SGMS1: variants seen among roughly 807,000 people sequenced by gnomAD.
The protein encoded by SGMS1 is phosphatidylcholine:ceramide cholinephosphotransferase 1.
A neutral mutation model predicts 46.2 loss-of-function variants in SGMS1; 13 were observed. That is an observed-to-expected ratio of 0.28 (90% CI 0.18 to 0.45). The LOEUF (loss-of-function observed/expected upper bound fraction) is 0.45. Ranked by LOEUF, SGMS1 falls within the 20% of genes least tolerant of loss-of-function variation. The pLI, the probability that SGMS1 is intolerant of heterozygous loss-of-function variation, is 1.00. For missense variants in SGMS1, 324 were observed against 519.9 expected (o/e 0.62, Z 3.66); for synonymous variants, 203 against 187.8 (o/e 1.08, Z -0.66).
At chr10:50,490,140 C>T (rs551903183) in intron 3 of SGMS1, among the ~76,000 whole-genome samples, 1 of 152,246 alleles carries the variant, frequency 6.6e-6, no homozygotes, top group African/African-American at 2.4e-5. Context: ...TTTGTCATCT[C>T]TGGGTCTTAG....
At chr10:50,474,749 A>C (rs1473824090) in intron 3 of SGMS1, among the ~76,000 whole-genome samples, 3 of 152,188 alleles carry the variant, frequency 2.0e-5, no homozygotes. Context: ...AGAACAAAAC[A>C]AAACAAAACA....
intron 6 of SGMS1, among the ~76,000 whole-genome samples, chr10:50,352,742 C>A (rs1848043204): frequency 6.6e-6 from 1 of 152,062 alleles, no homozygotes; most frequent in Non-Finnish European, 1.5e-5. Flanking sequence ...CAAGGGTAGT[C>A]TAAAAAGTTT....
chr10:50,425,980 G>T (rs952812663), intron 6 of SGMS1, among the ~76,000 whole-genome samples: 1 of 152,126 alleles, frequency 6.6e-6, no homozygotes, highest in Non-Finnish European at 1.5e-5. Flanking sequence ...TATATCATCT[G>T]TAATAGAGAA....
intron 6 of SGMS1, among the ~76,000 whole-genome samples, chr10:50,432,812 A>C (rs1849421628): frequency 6.6e-6 from 1 of 152,218 alleles, no homozygotes; most frequent in Non-Finnish European, 1.5e-5. Context: ...TGAGAGGTTG[A>C]GTAACTACTA....
intron 1 of SGMS1, among the ~76,000 whole-genome samples, chr10:50,591,558 C>T (rs1032885547): frequency 2.5e-4 from 38 of 152,056 alleles, no homozygotes; most frequent in Non-Finnish European, 4.9e-4. Flanking sequence ...CACAATAACC[C>T]TTAATGTATT....
chr10:50,465,442 A>G (rs921988389), intron 4 of SGMS1, among the ~76,000 whole-genome samples: 1 of 152,218 alleles, frequency 6.6e-6, no homozygotes, highest in African/African-American at 2.4e-5. Flanking sequence ...AAAAAATGAG[A>G]AAATATTGCA....
chr10:50,530,963 A>T (rs1837948195), intron 2 of SGMS1, among the ~76,000 whole-genome samples: 1 of 152,182 alleles, frequency 6.6e-6, no homozygotes, highest in Non-Finnish European at 1.5e-5. Flanking sequence ...ACTAGATAAG[A>T]TGACTGAAAA....
intron 3 of SGMS1, among the ~76,000 whole-genome samples, chr10:50,500,465 A>G (rs1837652994): frequency 6.6e-6 from 1 of 152,222 alleles, no homozygotes; most frequent in Non-Finnish European, 1.5e-5. Context: ...CGGTTTTAAA[A>G]TAAAGGTTAA....
At chr10:50,614,216 G>T (rs12358866) in intron 1 of SGMS1, among the ~76,000 whole-genome samples, 61,996 of 151,664 alleles carry the variant, frequency 0.41, 13,345 homozygotes, top group African/African-American at 0.52. Flanking sequence ...CTTCTAATGA[G>T]TGCTGACTTA....
intron 8 of SGMS1, among the ~76,000 whole-genome samples, chr10:50,313,722 C>G (rs996281657): frequency 3.9e-5 from 6 of 152,130 alleles, no homozygotes; most frequent in African/African-American, 1.4e-4. Flanking sequence ...AAATCATATT[C>G]TCAAGGCAGC....
chr10:50,390,500 A>G (rs1205707922), intron 6 of SGMS1, among the ~76,000 whole-genome samples: 3 of 152,208 alleles, frequency 2.0e-5, no homozygotes. Context: ...GCGTGGTAGC[A>G]CACACCTGTA....
chr10:50,327,942 T>C (rs183529821), intron 7 of SGMS1: 1 of 254,900 alleles, frequency 3.9e-6, no homozygotes, highest in East Asian at 1.5e-4. Flanking sequence ...AGAAGTAAAA[T>C]AGGGGTAACA....
At chr10:50,592,888 C>T (rs1442271231) in intron 1 of SGMS1, among the ~76,000 whole-genome samples, 1 of 119,602 alleles carries the variant, frequency 8.4e-6, no homozygotes, top group Non-Finnish European at 2.1e-5. Flanking sequence ...TTTAAAAGTG[C>T]GTTTAACTGT....
chr10:50,391,593 G>A (rs1402209426), intron 6 of SGMS1, among the ~76,000 whole-genome samples: 2 of 152,178 alleles, frequency 1.3e-5, no homozygotes, highest in East Asian at 1.9e-4. Context: ...TTCAACTATT[G>A]TGGAAAGCAG....
chr10:50,538,782 G>A (rs1341420768), intron 2 of SGMS1, among the ~76,000 whole-genome samples: 2 of 152,206 alleles, frequency 1.3e-5, no homozygotes, highest in Non-Finnish European at 2.9e-5. Context: ...TGAGATAAAA[G>A]CTGTAAGTAT....
chr10:50,357,180 C>A (rs1453692871), intron 6 of SGMS1, among the ~76,000 whole-genome samples: 1 of 151,826 alleles, frequency 6.6e-6, no homozygotes, highest in African/African-American at 2.4e-5. Flanking sequence ...GTGCTAAATT[C>A]AATTTGGCTC....
chr10:50,616,006 T>C (rs947575058), intron 1 of SGMS1, among the ~76,000 whole-genome samples: 1 of 152,252 alleles, frequency 6.6e-6, no homozygotes, highest in Non-Finnish European at 1.5e-5. Flanking sequence ...CTTGCAAATG[T>C]AGTCTTAGAG....
rs1047672530 is a variant in SGMS1 at position 50,523,364 on chromosome 10, T to G, written c.-588-3443A>C. The stretch of plus-strand genomic sequence containing the variant: ...AGAAACTCACTTTCTAACAATCTGT[T>G]TCTTACAAATGTATGTGCTTACCTT... On this transcript the variant is annotated intron_variant, in intron 2 of 10. Coordinates refer to ENST00000361781, the MANE Select transcript of SGMS1 (RefSeq NM_147156.4). Among the ~76,000 whole-genome samples, 19 of 152,244 alleles carry G rather than the reference T, an allele frequency of 1.2e-4. 1 individual carries two copies. Among genetic ancestry groups the G allele is most frequent in the African/African-American group, 3.4e-4 (14 of 41,462 alleles).
At chr10:50,448,742 C>CAAAAA (rs35580756) in intron 5 of SGMS1, among the ~76,000 whole-genome samples, 10 of 58,698 alleles carry the variant, frequency 1.7e-4, no homozygotes, top group Admixed American at 5.5e-4. Flanking sequence ...GAAACTCCGC[C>CAAAAA]AAAAAAAAAA....
Sources: gnomAD v4.1 joint callset for allele counts (sites outside exome capture counted in the v4.1 genomes callset) on GRCh38, gnomAD v4.1.1 for gene constraint, MANE v1.5 for transcripts, NCBI Gene and HGNC (gene_info 2026-07-23, HGNC 2026-07-21) for gene names.